Variants in RBFOX1 observed in about 807,000 individuals in gnomAD.
The protein encoded by RBFOX1 is RNA binding protein fox-1 homolog 1.
RBFOX1 carries 8 observed loss-of-function variants against 57.7 expected under a neutral mutation model. That is an observed-to-expected ratio of 0.14 (90% CI 0.08 to 0.25). The LOEUF is 0.25. Ranked by LOEUF, RBFOX1 falls within the 10% of genes least tolerant of loss-of-function variation. The pLI is 1.00. For synonymous variants in RBFOX1, 326 were observed against 222.4 expected (o/e 1.47, Z -4.15); for missense variants, 611 against 548.5 (o/e 1.11, Z -1.14).
At chr16:7,203,827 C>G (rs1010238409) in intron 4 of RBFOX1, among the ~76,000 whole-genome samples, 1 of 152,226 alleles carries the variant, frequency 6.6e-6, no homozygotes. Context: ...GATTGTCTTA[C>G]CGGCCACGGA....
intron 2 of RBFOX1, among the ~76,000 whole-genome samples, chr16:6,526,430 C>A (rs2096578628): frequency 6.6e-6 from 1 of 152,172 alleles, no homozygotes; most frequent in Admixed American, 6.5e-5. Flanking sequence ...AAGCACCAGT[C>A]ACACTACATT....
At chr16:6,487,352 T>G (rs956818) in intron 2 of RBFOX1, among the ~76,000 whole-genome samples, 103,388 of 151,826 alleles carry the variant, frequency 0.68, 35,377 homozygotes, top group East Asian at 0.77. Context: ...GTTCTTTCTG[T>G]TGAGGTGCTT....
chr16:7,568,174 A>G (rs751547803), intron 5 of RBFOX1, among the ~76,000 whole-genome samples: 3 of 152,088 alleles, frequency 2.0e-5, no homozygotes, highest in Non-Finnish European at 2.9e-5. Context: ...TTTATTAGAG[A>G]AGTAAAGAAA....
chr16:5,681,605 C>G (rs1434415432), intron 3 of RBFOX1, among the ~76,000 whole-genome samples: 1 of 151,508 alleles, frequency 6.6e-6, no homozygotes, highest in African/African-American at 2.4e-5. Context: ...GTTGGTCAGG[C>G]TGGACTCGAA....
chr16:7,423,312 A>G (rs147267956), intron 4 of RBFOX1, among the ~76,000 whole-genome samples: 1,810 of 152,224 alleles, frequency 0.012, 38 homozygotes, highest in African/African-American at 0.04. Context: ...TTTTCTCACC[A>G]GTTCTAAACA....
intron 4 of RBFOX1, among the ~76,000 whole-genome samples, chr16:7,127,697 T>C (rs1442035114): frequency 6.6e-6 from 1 of 152,194 alleles, no homozygotes; most frequent in African/African-American, 2.4e-5. Flanking sequence ...ATGAGTTTCT[T>C]TCAGAGGACT....
chr16:7,295,937 G>T lies in RBFOX1; in HGVS notation c.28-222210G>T, dbSNP rs566616887. Among the ~76,000 whole-genome samples, 4 of 152,322 alleles carry T rather than the reference G, an allele frequency of 2.6e-5. No individual in the cohort carries two copies. The South Asian group carries it at 8.3e-4, about 32-fold the overall frequency. ...AGAAATGAGAAGGGTGTTTGGTTTG[G>T]TTTGCTGCAGTGAACCTGTGGGGGT... On this transcript the variant is annotated intron_variant, in intron 4 of 15. Coordinates refer to ENST00000550418, the MANE Select transcript of RBFOX1 (RefSeq NM_018723.4).
In RBFOX1 at chr16:5,496,516, C is replaced by T. The variant is rs771626270; in HGVS notation, c.258+29262C>T. ...ACATCTTCTTTCCTCATCTCTCGGT[C>T]GTACTCCGTGGTTATCCCACTTACT... On this transcript the variant is annotated intron_variant, in intron 2 of 2. Coordinates refer to the RBFOX1 transcript ENST00000585867. Among the ~76,000 whole-genome samples the T allele has an allele frequency of 1.9e-4, 29 of 152,248 alleles. No individual in the cohort carries two copies. The Middle Eastern group carries it at 0.014, about 71-fold the overall frequency.
chr16:5,323,675 A>G (rs971525388), intron 1 of RBFOX1, among the ~76,000 whole-genome samples: 1 of 152,248 alleles, frequency 6.6e-6, no homozygotes. Context: ...TTATATGTTA[A>G]TAAGCTAACC....
At chr16:5,495,802 C>T (rs1323920431) in intron 2 of RBFOX1, among the ~76,000 whole-genome samples, 1 of 152,254 alleles carries the variant, frequency 6.6e-6, no homozygotes, top group African/African-American at 2.4e-5. Context: ...CTCCAGGCAT[C>T]TTCATGAATG....
chr16:6,564,863 G>C (rs1270894002), intron 2 of RBFOX1, among the ~76,000 whole-genome samples: 2 of 152,086 alleles, frequency 1.3e-5, no homozygotes, highest in Non-Finnish European at 2.9e-5. Flanking sequence ...ATTTGCGGCT[G>C]GGCACGGTGG....
intron 4 of RBFOX1, among the ~76,000 whole-genome samples, chr16:7,406,206 C>T (rs577760548): frequency 1.3e-5 from 2 of 152,298 alleles, no homozygotes; most frequent in African/African-American, 4.8e-5. Context: ...AAACATCATG[C>T]CTCACCAAGG....
intron 1 of RBFOX1, among the ~76,000 whole-genome samples, chr16:6,124,308 C>A (rs1454491859): frequency 6.6e-6 from 1 of 152,156 alleles, no homozygotes; most frequent in Non-Finnish European, 1.5e-5. Flanking sequence ...CAGAAGCTTG[C>A]AGTTATAGCC....
intron 2 of RBFOX1, among the ~76,000 whole-genome samples, chr16:6,606,405 G>T (rs2097925991): frequency 6.6e-6 from 1 of 152,168 alleles, no homozygotes; most frequent in Non-Finnish European, 1.5e-5. Flanking sequence ...TCCAGGACGT[G>T]CAGATTTGTT....
At chr16:6,198,345 C>G (rs1413169563) in intron 1 of RBFOX1, among the ~76,000 whole-genome samples, 1 of 152,178 alleles carries the variant, frequency 6.6e-6, no homozygotes. Context: ...AAGGGAATAA[C>G]ACATAGGCAG....
In RBFOX1 at chr16:6,664,704, G is replaced by T. The variant is rs192082860; in HGVS notation, c.-16+10054G>T. Among the ~76,000 whole-genome samples the T allele has an allele frequency of 6.0e-4, 91 of 152,336 alleles. 1 individual carries two copies. In the South Asian group the frequency reaches 0.018, roughly 31 times the overall value. Reference sequence around the variant, plus strand: ...TTGCGTGTTCAGAACCCACAGATAGGCAGGGATGGAAGTCAGTTCTGGAGA... The same window carrying T: ...TTGCGTGTTCAGAACCCACAGATAGTCAGGGATGGAAGTCAGTTCTGGAGA... On this transcript the variant is annotated intron_variant, in intron 3 of 15. Transcript: ENST00000550418.
intron 1 of RBFOX1, among the ~76,000 whole-genome samples, chr16:6,112,482 G>A (rs1466705811): frequency 4.6e-5 from 7 of 152,152 alleles, no homozygotes; most frequent in Non-Finnish European, 8.8e-5. Context: ...CCTGAGGTTG[G>A]GAGTTTAAGA....
chr16:7,269,878 T>C (rs1232876775), intron 4 of RBFOX1, among the ~76,000 whole-genome samples: 1 of 152,222 alleles, frequency 6.6e-6, no homozygotes, highest in East Asian at 1.9e-4. Flanking sequence ...CCCATAACCA[T>C]AGCGTATTAG....
intron 2 of RBFOX1, among the ~76,000 whole-genome samples, chr16:6,621,994 C>T (rs996302499): frequency 6.6e-6 from 1 of 152,102 alleles, no homozygotes; most frequent in Non-Finnish European, 1.5e-5. Flanking sequence ...TTCGTGTTAG[C>T]CAAAGGGGCT....
Sources: allele counts gnomAD v4.1 joint callset (sites outside exome capture counted in the v4.1 genomes callset), GRCh38; gene constraint gnomAD v4.1.1; transcripts MANE v1.5; gene names NCBI Gene and HGNC (gene_info 2026-07-23, HGNC 2026-07-21).